The following RALGAPA1 variants were observed in gnomAD, a reference collection of about 807,000 sequenced individuals.
The protein encoded by RALGAPA1 is Ral GTPase activating protein catalytic subunit alpha 1.
Under a neutral mutation model 269.6 loss-of-function variants are expected in RALGAPA1, and 52 were observed. The observed-to-expected ratio is 0.19, with a 90% CI of 0.15 to 0.24. The LOEUF (loss-of-function observed/expected upper bound fraction) is 0.24, where lower values mean the gene tolerates loss of function less well. Among genes scored for constraint, RALGAPA1 ranks in the 10% least tolerant of loss-of-function variants. The pLI, the probability that RALGAPA1 is intolerant of heterozygous loss-of-function variation, is 1.00. For synonymous variants in RALGAPA1, 817 were observed against 1,008.3 expected (o/e 0.81, Z 3.60); for missense variants, 1,917 against 3,013.9 (o/e 0.64, Z 8.52).
chr14:35,704,128 G>A (rs2067595322), intron 16 of RALGAPA1, among the ~76,000 whole-genome samples: 1 of 152,046 alleles, frequency 6.6e-6, no homozygotes, highest in African/African-American at 2.4e-5. Context: ...ACCTGTTAAA[G>A]TCCCCAAATG....
intron 13 of RALGAPA1, among the ~76,000 whole-genome samples, chr14:35,726,084 C>T (rs575627144): frequency 2.0e-5 from 3 of 152,110 alleles, no homozygotes; most frequent in Non-Finnish European, 4.4e-5. Flanking sequence ...AGCCTCCTCC[C>T]CTCTGGTTAT....
At chr14:35,676,493 T>C (rs1248324743) in intron 22 of RALGAPA1, 1 of 152,322 alleles carries the variant, frequency 6.6e-6, no homozygotes, top group Non-Finnish European at 1.5e-5. Context: ...ATGACAGGCG[T>C]GAGCCACGGT....
In RALGAPA1 at chr14:35,729,912, AG is replaced by A. The variant is rs571395899; in HGVS notation, c.1588-1403del. ...ACTAAATTGCAGCTCCGACTTGGAC[AG>A]ACAGAGCAGCGTGTGGAGGCTCATA... On this transcript the variant is annotated intron_variant, in intron 12 of 41. Transcript: ENST00000680220. Among the ~76,000 whole-genome samples the A allele has an allele frequency of 4.2e-4, 64 of 152,318 alleles. 1 individual carries two copies. The South Asian group carries it at 0.012, about 30-fold the overall frequency.
At chr14:35,668,482 C>CAA (rs1337456931) in intron 26 of RALGAPA1, among the ~76,000 whole-genome samples, 4 of 126,240 alleles carry the variant, frequency 3.2e-5, no homozygotes, top group Non-Finnish European at 6.8e-5. Context: ...GATTTTGTCT[C>CAA]AAAAAAAAAA....
intron 16 of RALGAPA1, among the ~76,000 whole-genome samples, chr14:35,710,449 G>A (rs2068222363): frequency 6.6e-6 from 1 of 152,106 alleles, no homozygotes; most frequent in African/African-American, 2.4e-5. Context: ...GTAGAGACAG[G>A]GTTTCACCAT....
intron 1 of RALGAPA1, among the ~76,000 whole-genome samples, chr14:35,793,197 G>C (rs2076313686): frequency 6.6e-6 from 1 of 151,498 alleles, no homozygotes; most frequent in African/African-American, 2.4e-5. Context: ...TATTAAAGTA[G>C]ACGTATTCAT....
At chr14:35,716,523 T>G (rs939855780) in intron 16 of RALGAPA1, among the ~76,000 whole-genome samples, 1 of 151,828 alleles carries the variant, frequency 6.6e-6, no homozygotes, top group African/African-American at 2.4e-5. Flanking sequence ...AAGAAAATTA[T>G]ATACCATTAT....
At chr14:35,651,973 C>G in intron 30 of RALGAPA1, 100 bp from the exon 31 acceptor site, 1 of 897,438 alleles carries the variant, frequency 1.1e-6, no homozygotes, top group Non-Finnish European at 1.6e-6. Flanking sequence ...ACAAAACCTA[C>G]TACTGCAAAT....
In RALGAPA1 at chr14:35,750,528, G is replaced by A. The variant is rs758217825; in HGVS notation, c.965C>T (p.Pro322Leu). ...TTCACCTTCCATCCCAGGAATATGA[G>A]GTCCTGTATGTGGTTTTGGCTCCAG... ...FWLEPKPHTGPHIPGMEGEVL... is the reference protein window; with the variant it reads ...FWLEPKPHTGLHIPGMEGEVL... Residue 322 changes from proline to leucine, a missense_variant, in exon 9 of 42, where the codon CCT (proline) becomes CTT (leucine). By Grantham distance (98) the Pro-to-Leu change is moderately conservative (BLOSUM62 -3). Transcript: ENST00000680220. 6.2e-7 allele frequency: 1 copy of A among 1,613,016 alleles called. No individual in the cohort carries two copies. The highest frequency in any genetic ancestry group is 2.2e-5 in the East Asian group (1 of 44,780).
chr14:35,804,277 AT>A, intron 1 of RALGAPA1, among the ~76,000 whole-genome samples: 1 of 151,544 alleles, frequency 6.6e-6, no homozygotes, highest in East Asian at 2.0e-4. Context: ...CAAACAAAAA[AT>A]TGTGAATAAC....
intron 41 of RALGAPA1, among the ~76,000 whole-genome samples, chr14:35,547,622 T>C (rs2054569835): frequency 6.6e-6 from 1 of 152,188 alleles, no homozygotes. Context: ...TTGCCAGATA[T>C]ACTTAATTAG....
At chr14:35,794,540 T>TCC in intron 1 of RALGAPA1, among the ~76,000 whole-genome samples, 1 of 152,266 alleles carries the variant, frequency 6.6e-6, no homozygotes, top group Non-Finnish European at 1.5e-5. Context: ...CACTGCAAGC[T>TCC]CCGCCTCCTG....
At chr14:35,779,657 A>G (rs1169123988) in intron 1 of RALGAPA1, among the ~76,000 whole-genome samples, 1 of 152,080 alleles carries the variant, frequency 6.6e-6, no homozygotes, top group African/African-American at 2.4e-5. Flanking sequence ...TCGAGGAAAA[A>G]AAAGAAAATG....
intron 3 of RALGAPA1, among the ~76,000 whole-genome samples, chr14:35,771,955 G>T (rs953102371): frequency 1.1e-4 from 16 of 152,156 alleles, no homozygotes; most frequent in African/African-American, 3.9e-4. Flanking sequence ...TAATCCTAGA[G>T]AAAGTATTTT....
intron 33 of RALGAPA1, among the ~76,000 whole-genome samples, chr14:35,629,976 TA>T (rs201545517): frequency 6.6e-6 from 1 of 150,482 alleles, no homozygotes. Flanking sequence ...AACCTAACTT[TA>T]AAAAAAAAGG....
chr14:35,766,111 C>T, intron 4 of RALGAPA1: 1 of 1,045,858 alleles, frequency 9.6e-7, no homozygotes, highest in East Asian at 2.4e-5. Context: ...GGATCAGATA[C>T]TGGAGGGCTG....
intron 39 of RALGAPA1, among the ~76,000 whole-genome samples, chr14:35,557,132 G>A (rs3985304): frequency 0.13 from 17,343 of 128,856 alleles, 1,077 homozygotes; most frequent in South Asian, 0.16. Flanking sequence ...GTGTGTGTGT[G>A]TGTGTATATA....
intron 1 of RALGAPA1, among the ~76,000 whole-genome samples, chr14:35,779,582 T>A (rs1163259302): frequency 6.6e-6 from 1 of 150,546 alleles, no homozygotes; most frequent in Non-Finnish European, 1.5e-5. Context: ...TAAATAATAA[T>A]AAAGAAATAG....
At chr14:35,635,396 GA>G in intron 32 of RALGAPA1, 67 bp downstream of exon 32, 1 of 1,440,366 alleles carries the variant, frequency 6.9e-7, no homozygotes, top group Non-Finnish European at 9.2e-7. Context: ...GTTATACTGA[GA>G]AATGTTATTT....
Sources: gnomAD v4.1 joint callset for allele counts (sites outside exome capture counted in the v4.1 genomes callset) on GRCh38, gnomAD v4.1.1 for gene constraint, MANE v1.5 for transcripts, NCBI Gene and HGNC (gene_info 2026-07-23, HGNC 2026-07-21) for gene names.